HOOK1: variants seen among roughly 807,000 people sequenced by gnomAD.
The protein encoded by HOOK1 is hook microtubule tethering protein 1.
Under a neutral mutation model 112.8 loss-of-function variants are expected in HOOK1, and 60 were observed. The observed-to-expected ratio is 0.53, with a 90% CI of 0.43 to 0.66. HOOK1 has a LOEUF of 0.66. HOOK1 is among the 30% of genes least tolerant of loss of function. The pLI is 0.00. For missense variants in HOOK1, 770 were observed against 856.0 expected (o/e 0.90, Z 1.25); for synonymous variants, 294 against 283.8 (o/e 1.04, Z -0.36).
chr1:59,816,010 C>G (rs545169143), intron 1 of HOOK1, among the ~76,000 whole-genome samples: 6 of 152,270 alleles, frequency 3.9e-5, no homozygotes, highest in Admixed American at 2.0e-4. Flanking sequence ...TGCTGGCATT[C>G]AGGTGTGGTT....
rs1340100393 is a variant in HOOK1 at position 59,843,704 on chromosome 1, G to A, written c.788+106G>A. On this transcript the variant is annotated intron_variant, in intron 9 of 21. Transcript: ENST00000371208. Reference sequence around the variant, plus strand: ...TACTAAGCATTGTTAAGCATCTTTAGGATACTGATTAAGCTCCTGAAAATA... The same window carrying A: ...TACTAAGCATTGTTAAGCATCTTTAAGATACTGATTAAGCTCCTGAAAATA... 1.5e-5 allele frequency: 13 copies of A among 848,254 alleles called. 1 individual carries two copies. The highest frequency in any genetic ancestry group is 2.1e-5 in the Non-Finnish European group (12 of 564,348). 52.5% of individuals were successfully genotyped at this position (848,254 alleles called of 1,614,324 possible).
chr1:59,871,867 T>A (rs1251430181), intron 21 of HOOK1, among the ~76,000 whole-genome samples: 2 of 152,208 alleles, frequency 1.3e-5, no homozygotes, highest in African/African-American at 4.8e-5. Flanking sequence ...GACACCATGC[T>A]TTTCATCTGA....
intron 3 of HOOK1, among the ~76,000 whole-genome samples, chr1:59,829,511 C>T (rs775478033): frequency 3.3e-5 from 5 of 151,922 alleles, no homozygotes; most frequent in African/African-American, 7.2e-5. Context: ...TTTGTTGTGT[C>T]TTGTAGGACA....
intron 7 of HOOK1, among the ~76,000 whole-genome samples, chr1:59,837,584 A>G (rs1356866770): frequency 6.6e-6 from 1 of 152,208 alleles, no homozygotes; most frequent in Non-Finnish European, 1.5e-5. Context: ...AAAACTAAAC[A>G]ATGCCTTCTC....
intron 1 of HOOK1, among the ~76,000 whole-genome samples, chr1:59,820,449 G>C (rs1034401782): frequency 1.3e-5 from 2 of 152,000 alleles, no homozygotes; most frequent in African/African-American, 2.4e-5. Context: ...CCCTTCCCCA[G>C]CCTTCTTTGC....
intron 1 of HOOK1, among the ~76,000 whole-genome samples, chr1:59,820,715 G>A (rs2098384998): frequency 6.6e-6 from 1 of 151,924 alleles, no homozygotes; most frequent in African/African-American, 2.4e-5. Flanking sequence ...TGTAATCATG[G>A]GACTTACCAT....
At chr1:59,846,011 T>C (rs1271436125) in intron 9 of HOOK1, among the ~76,000 whole-genome samples, 1 of 151,916 alleles carries the variant, frequency 6.6e-6, no homozygotes, top group Non-Finnish European at 1.5e-5. Context: ...AGTGTGTTTT[T>C]CCTGACAAAT....
chr1:59,855,992 T>TGTTTG (rs1559058106), intron 12 of HOOK1, among the ~76,000 whole-genome samples: 3 of 124,840 alleles, frequency 2.4e-5, no homozygotes, highest in African/African-American at 1.0e-4. Flanking sequence ...ATATTTTTTT[T>TGTTTG]TTTTTTTTTT....
At position 59,873,123 on chromosome 1, in the gene HOOK1, T is replaced by C; in HGVS notation, c.*158T>C. On this transcript the variant is annotated 3_prime_UTR_variant, in exon 22 of 22. Transcript: ENST00000371208. Reference sequence around the variant, plus strand: ...ACATGCATCAAATTAATTTTGCCAGTTGACTTTAAAAACAAATTATAGAAT... The same window carrying C: ...ACATGCATCAAATTAATTTTGCCAGCTGACTTTAAAAACAAATTATAGAAT... 4 of 578,774 alleles carry C rather than the reference T, an allele frequency of 6.9e-6. No individual in the cohort carries two copies. Among genetic ancestry groups the C allele is most frequent in the Non-Finnish European group, 1.1e-5 (4 of 376,212 alleles). 35.9% of individuals were successfully genotyped at this position (578,774 alleles called of 1,614,324 possible).
rs2098393576 is a variant in HOOK1, at chr1:59,831,020, C to T, written c.223-1143C>T. Among the ~76,000 whole-genome samples the T allele has an allele frequency of 2.0e-5, 3 of 151,916 alleles. 1 individual carries two copies. Among genetic ancestry groups the T allele is most frequent in the Admixed American group, 2.0e-4 (3 of 15,260 alleles). Reference sequence around the variant, plus strand: ...GGTTCAAGCGATTCTTCTGCCTCAGCCTCCCGAGTAGCTGGGATTACAGGT... The same window carrying T: ...GGTTCAAGCGATTCTTCTGCCTCAGTCTCCCGAGTAGCTGGGATTACAGGT... On this transcript the variant is annotated intron_variant, in intron 3 of 21. Coordinates refer to ENST00000371208, the MANE Select transcript of HOOK1 (RefSeq NM_015888.6).
At position 59,828,800 on chromosome 1, in the gene HOOK1, A is replaced by G; in HGVS notation, c.170A>G (p.Glu57Gly). The G allele has an allele frequency of 6.2e-7, 1 of 1,613,434 alleles. No homozygotes were observed. Among genetic ancestry groups the G allele is most frequent in the Non-Finnish European group, 8.5e-7 (1 of 1,179,620 alleles). The change falls in exon 3 of 22, where the codon GAA becomes GGA. Residue 57 changes from glutamate (E) to glycine (G), a missense_variant. By Grantham distance (98) the Glu-to-Gly change is moderately conservative. This residue lies in a region of HOOK1 where 655 missense variants were observed against 725.9 expected (regional missense o/e 0.90). Coordinates refer to ENST00000371208, the MANE Select transcript of HOOK1 (RefSeq NM_015888.6). ...LHQIDAAWFN[E>G]SWLSRIKEDV... ...TTCAGTGATGCAGCTTGGTTTAACG[A>G]ATCTTGGTTAAGCCGAATTAAAGAG...
intron 18 of HOOK1, among the ~76,000 whole-genome samples, chr1:59,865,578 G>A (rs1288351428): frequency 6.6e-6 from 1 of 151,978 alleles, no homozygotes; most frequent in Non-Finnish European, 1.5e-5. Flanking sequence ...TTGTGGTTGT[G>A]CTTACTGTAA....
chr1:59,820,187 T>C (rs2098384580), intron 1 of HOOK1, among the ~76,000 whole-genome samples: 1 of 152,234 alleles, frequency 6.6e-6, no homozygotes, highest in Non-Finnish European at 1.5e-5. Flanking sequence ...CTGATACATA[T>C]TGTTTCTAGG....
chr1:59,845,290 G>A (rs1312632743), intron 9 of HOOK1, among the ~76,000 whole-genome samples: 1 of 152,036 alleles, frequency 6.6e-6, no homozygotes, highest in East Asian at 1.9e-4. Context: ...CCACCACAAT[G>A]GGGATTAGGT....
rs1000882278 is a variant in HOOK1, at chr1:59,870,588, C to A, written c.1948-454C>A. Among the ~76,000 whole-genome samples the A allele has an allele frequency of 2.6e-5, 4 of 152,100 alleles. No individual in the cohort carries two copies. In the East Asian group the frequency reaches 7.7e-4, roughly 29 times the overall value. ...CGGCTATGGAATCTAGTACACAGAC[C>A]ACCAACAATTAAGAGAGAAAAATTT... On this transcript the variant is annotated intron_variant, in intron 20 of 21. Coordinates refer to ENST00000371208, the MANE Select transcript of HOOK1 (RefSeq NM_015888.6).
Position 59,864,630 on chromosome 1 carries a change from A to G in HOOK1, c.1627-2A>G. 6.5e-7 allele frequency: 1 copy of G among 1,534,508 alleles called. No homozygotes were observed. The highest frequency in any genetic ancestry group is 2.3e-5 in the East Asian group (1 of 43,946). ...TACAGCAATTTTTTTTAAATTTTAT[A>G]GTCCAGCAAATTAAAGCAGAAGTTG... On this transcript the variant is annotated splice_acceptor_variant, in intron 16 of 21. Transcript: ENST00000371208. LOFTEE classifies it high-confidence loss of function.
intron 15 of HOOK1, 140 bp downstream of exon 15, chr1:59,860,468 T>A: frequency 1.5e-6 from 1 of 657,190 alleles, no homozygotes; most frequent in Non-Finnish European, 2.4e-6. Context: ...TTGTTAGTAG[T>A]CTTTCATCAC....
chr1:59,865,732 GAATA>G (rs1643952409), intron 18 of HOOK1, 136 bp from the exon 19 acceptor site: 3 of 380,498 alleles, frequency 7.9e-6, no homozygotes, highest in South Asian at 1.5e-4. Flanking sequence ...TCACTACAAA[GAATA>G]AATAACAGGC....
Position 59,833,404 on chromosome 1 carries a change from GT to G in HOOK1, c.278del (p.Leu93TrpfsTer13). ...TGATCTAATTTATTTTAATATTGTA[GT>G]TTTTGGGGCAGCAGATTTCAGAAGC... is the stretch of plus-strand genomic sequence containing the variant. ...LQGIMSYYHE[F>X]LGQQISEALI... is the part of the protein sequence containing the mutation. On this transcript the variant is annotated frameshift_variant and splice_region_variant, in exon 5 of 22. Coordinates refer to ENST00000371208, the MANE Select transcript of HOOK1 (RefSeq NM_015888.6). LOFTEE classifies it high-confidence loss of function. 3.3e-6 allele frequency: 5 copies of G among 1,499,480 alleles called. No individual in the cohort carries two copies. Among genetic ancestry groups the G allele is most frequent in the South Asian group, 1.4e-5 (1 of 71,442 alleles). 92.9% of individuals were successfully genotyped at this position (1,499,480 alleles called of 1,614,324 possible). A position where few individuals can be genotyped will look rare whatever the true frequency, so the allele number is the denominator to read the frequency against.
Sources: allele counts gnomAD v4.1 joint callset (sites outside exome capture counted in the v4.1 genomes callset), GRCh38; gene constraint gnomAD v4.1.1; regional missense constraint gnomAD v4.1.1; transcripts MANE v1.5; gene names NCBI Gene and HGNC (gene_info 2026-07-23, HGNC 2026-07-21).